TRIM52: variants seen among roughly 807,000 people sequenced by gnomAD.
TRIM52 encodes the protein E3 ubiquitin-protein ligase TRIM52.
TRIM52 carries 24 observed loss-of-function variants against 27.0 expected under a neutral mutation model. That is an observed-to-expected ratio of 0.89 (90% CI 0.64 to 1.25). The LOEUF is 1.25. Ranked by LOEUF, TRIM52 falls within the 50% of genes most tolerant of loss-of-function variation. TRIM52 has a pLI of 0.00. For missense variants in TRIM52, 351 were observed against 354.7 expected (o/e 0.99, Z 0.08); for synonymous variants, 125 against 126.5 (o/e 0.99, Z 0.08).
rs1377718056 is a variant in TRIM52, at chr5:181,255,874, TG to T, written c.*934del. The T allele has an allele frequency of 6.6e-6, 1 of 152,222 alleles. No individual in the cohort carries two copies. Among genetic ancestry groups the T allele is most frequent in the Non-Finnish European group, 1.5e-5 (1 of 68,046 alleles). 9.4% of individuals were successfully genotyped at this position (152,222 alleles called of 1,614,324 possible). On this transcript the variant is annotated 3_prime_UTR_variant, in exon 2 of 2. Transcript: ENST00000688015. ...TTATTTTTCATTGTTCTTCCAACCT[TG>T]GGGTTGTTCTGTCCACAAGTTCAGC... is the stretch of plus-strand genomic sequence containing the variant.
chr5:181,253,608 A>G (rs943242727), downstream of TRIM52, among the ~76,000 whole-genome samples: 19 of 143,030 alleles, frequency 1.3e-4, 4 homozygotes, highest in African/African-American at 3.2e-4. Flanking sequence ...GGTAGAGTCC[A>G]GAGATGCTAC....
downstream of TRIM52, among the ~76,000 whole-genome samples, chr5:181,252,974 C>T (rs1244418130): frequency 3.9e-5 from 6 of 151,932 alleles, no homozygotes; most frequent in African/African-American, 1.2e-4. Context: ...ACTTTGCTAC[C>T]CCACTCCAAG....
chr5:181,260,037 G>A lies in TRIM52; in HGVS notation c.777C>T (p.Ser259=). The A allele has an allele frequency of 1.2e-6, 2 of 1,614,106 alleles. No homozygotes were observed. Among genetic ancestry groups the A allele is most frequent in the Admixed American group, 1.7e-5 (1 of 60,016 alleles). The change falls in exon 1 of 2, where the codon AGC becomes AGT. Residue 259 remains serine, a synonymous_variant. Coordinates refer to ENST00000688015, the MANE Select transcript of TRIM52 (RefSeq NM_001346048.2). The surrounding 1 kb of genome is among the most constrained non-coding windows in gnomAD (Gnocchi z 4.4). ...CRESRSHKQH[S]VLPLEEVVQE... ...GCACCACCTCCTCCAAAGGCAGCAC[G>A]CTGTGCTGTTTGTGGCTCCTGGATT... is the stretch of plus-strand genomic sequence containing the variant.
downstream of TRIM52, among the ~76,000 whole-genome samples, chr5:181,249,827 G>GTTTTTTTTTTTTTT (rs1237894738): frequency 4.7e-5 from 6 of 128,474 alleles, no homozygotes; most frequent in African/African-American, 1.8e-4. Context: ...ATCACTTGCA[G>GTTTTTTTTTTTTTT]TTTTTTTTTT....
intron 1 of TRIM52, chr5:181,259,078 C>G (rs1487335997): frequency 6.6e-6 from 1 of 152,210 alleles, no homozygotes; most frequent in African/African-American, 2.4e-5. Context: ...GGTACTCATG[C>G]TCATTGTCAT....
intron 1 of TRIM52, chr5:181,257,438 A>G: frequency 1.2e-6 from 2 of 1,613,012 alleles, no homozygotes; most frequent in Non-Finnish European, 1.7e-6. Flanking sequence ...CCTTGCTGTG[A>G]ATGCTTTCTT....
chr5:181,256,181 T>C lies in TRIM52; in HGVS notation c.*628A>G, dbSNP rs1043780517. On this transcript the variant is annotated 3_prime_UTR_variant, in exon 2 of 2. Transcript: ENST00000688015. ...AGTTTGCTGTAGTGCCATTAAGATA[T>C]ACTCCTATACAATTTCCTCCAACTC... 2 of 152,202 alleles carry C rather than the reference T, an allele frequency of 1.3e-5. No individual in the cohort carries two copies. Among genetic ancestry groups the C allele is most frequent in the Non-Finnish European group, 2.9e-5 (2 of 68,036 alleles). 9.4% of individuals were successfully genotyped at this position (152,202 alleles called of 1,614,324 possible).
downstream of TRIM52, among the ~76,000 whole-genome samples, chr5:181,249,681 GA>G (rs113584805): frequency 3.5e-3 from 483 of 136,070 alleles, 1 homozygote; most frequent in African/African-American, 0.011. Context: ...GTCTCAAAAA[GA>G]AAAAAAAAAA....
Position 181,261,069 on chromosome 5 carries a change from C to G in TRIM52, c.-256G>C, listed in dbSNP as rs370604139. ...AGCTGCTCGGTCCTGTCACGTCTCT[C>G]GCTACCCTCAGGGTGTGCCCTACAC... is the stretch of plus-strand genomic sequence containing the variant. On this transcript the variant is annotated 5_prime_UTR_variant, in exon 1 of 2. Transcript: ENST00000688015. 5 of 492,810 alleles carry G rather than the reference C, an allele frequency of 1.0e-5. No individual in the cohort carries two copies. The highest frequency in any genetic ancestry group is 1.8e-5 in the Non-Finnish European group (5 of 279,372). 30.5% of individuals were successfully genotyped at this position (492,810 alleles called of 1,614,324 possible).
At chr5:181,253,158 C>T (rs1759676396), downstream of TRIM52, among the ~76,000 whole-genome samples, 2 of 140,404 alleles carry the variant, frequency 1.4e-5, no homozygotes, top group Admixed American at 1.4e-4. Context: ...GCCTCAGCCT[C>T]CTGAGTAGCT....
downstream of TRIM52, among the ~76,000 whole-genome samples, chr5:181,249,827 GT>G (rs1237894738): frequency 7.6e-3 from 976 of 128,468 alleles, 3 homozygotes; most frequent in South Asian, 0.014. Flanking sequence ...ATCACTTGCA[GT>G]TTTTTTTTTT....
chr5:181,257,258 T>C, intron 1 of TRIM52: 1 of 1,297,224 alleles, frequency 7.7e-7, no homozygotes, highest in Admixed American at 3.7e-5. Flanking sequence ...TAAGGCTTTC[T>C]GGGCCAAAAA....
chr5:181,260,139 G>C lies in TRIM52; in HGVS notation c.675C>G (p.Gly225=). 2 of 1,614,198 alleles carry C rather than the reference G, an allele frequency of 1.2e-6. No individual in the cohort carries two copies. The highest frequency in any genetic ancestry group is 1.7e-6 in the Non-Finnish European group (2 of 1,180,040). ...PYRGNRSNDQ[G]MCFKHQEALK... ...GGGCTTCCTGGTGTTTAAAGCACAT[G>C]CCCTGATCATTACTCCGGTTTCCCC... is the stretch of plus-strand genomic sequence containing the variant. The change falls in exon 1 of 2, where the codon GGC becomes GGG. Residue 225 remains glycine, a synonymous_variant. Transcript: ENST00000688015. The surrounding 1 kb of genome is among the most constrained non-coding windows in gnomAD (Gnocchi z 4.4).
downstream of TRIM52, chr5:181,254,394 A>G (rs1168593415): frequency 2.7e-5 from 3 of 112,646 alleles, no homozygotes; most frequent in Non-Finnish European, 4.8e-5. Flanking sequence ...TTTCCCCCGC[A>G]GACAGAGTCT....
At chr5:181,253,999 G>A (rs1176642246), downstream of TRIM52, among the ~76,000 whole-genome samples, 4 of 140,906 alleles carry the variant, frequency 2.8e-5, no homozygotes, top group African/African-American at 1.2e-4. Flanking sequence ...AGCATTGAAA[G>A]AAAGAAAGAG....
chr5:181,251,651 G>T (rs1759636248), downstream of TRIM52, among the ~76,000 whole-genome samples: 1 of 152,140 alleles, frequency 6.6e-6, no homozygotes, highest in South Asian at 2.1e-4. Flanking sequence ...GAGCAGAAAT[G>T]AGCTCACTGC....
chr5:181,260,709 A>G lies in TRIM52; in HGVS notation c.105T>C (p.Cys35=), dbSNP rs760026640. ...CACACCCTCGGCAGAAGTTGTGCCC[A>G]CAGCTGATGGACACGGGGTCCTTGA... ...DYFKDPVSIS[C]GHNFCRGCVT... Residue 35 remains cysteine, a synonymous_variant, in exon 1 of 2, where the codon TGT becomes TGC. Coordinates refer to ENST00000688015, the MANE Select transcript of TRIM52 (RefSeq NM_001346048.2). The surrounding 1 kb of genome is among the most constrained non-coding windows in gnomAD (Gnocchi z 4.4). The G allele has an allele frequency of 4.0e-5, 65 of 1,613,608 alleles. No individual in the cohort carries two copies. The highest frequency in any genetic ancestry group is 5.3e-5 in the Non-Finnish European group (62 of 1,179,952).
rs1291982482 is a variant in TRIM52 at position 181,256,150 on chromosome 5, T to C, written c.*659A>G. On this transcript the variant is annotated 3_prime_UTR_variant, in exon 2 of 2. Coordinates refer to ENST00000688015, the MANE Select transcript of TRIM52 (RefSeq NM_001346048.2). ...TCAATCTTTGCCAAAAACCCAAATTTAACACAGTTTGCTGTAGTGCCATTA... is the reference window on the plus strand; with the variant it reads ...TCAATCTTTGCCAAAAACCCAAATTCAACACAGTTTGCTGTAGTGCCATTA... 1 of 152,212 alleles carries C rather than the reference T, an allele frequency of 6.6e-6. No individual in the cohort carries two copies. Among genetic ancestry groups the C allele is most frequent in the Non-Finnish European group, 1.5e-5 (1 of 68,046 alleles). 9.4% of individuals were successfully genotyped at this position (152,212 alleles called of 1,614,324 possible). A position where few individuals can be genotyped will look rare whatever the true frequency, so the allele number is the denominator to read the frequency against.
chr5:181,257,664 C>T, intron 1 of TRIM52: 1 of 463,142 alleles, frequency 2.2e-6, no homozygotes, highest in South Asian at 3.8e-5. Flanking sequence ...TACATGTTTA[C>T]CAATGGAAGG....
Sources: allele counts gnomAD v4.1 joint callset (sites outside exome capture counted in the v4.1 genomes callset), GRCh38; gene constraint gnomAD v4.1.1; non-coding constraint Gnocchi (gnomAD v3.1); transcripts MANE v1.5; gene names NCBI Gene and HGNC (gene_info 2026-07-23, HGNC 2026-07-21).